PLD1: variants seen among roughly 807,000 people sequenced by gnomAD.
The protein encoded by PLD1 is choline phosphatase 1.
In PLD1, 112 loss-of-function variants were observed where a neutral mutation model predicts 137.1. The observed-to-expected ratio is 0.82, with a 90% CI of 0.70 to 0.96. The LOEUF is 0.96. PLD1 is among the 40% of genes least tolerant of loss of function. The pLI is 0.00. For missense variants in PLD1, 1,321 were observed against 1,342.0 expected, an observed-to-expected ratio of 0.98 and a Z score of 0.24; for synonymous variants, 431 against 454.7, an observed-to-expected ratio of 0.95 and a Z score of 0.66.
At chr3:171,698,968 C>T (rs1051962592) in intron 12 of PLD1, among the ~76,000 whole-genome samples, 1 of 145,872 alleles carries the variant, frequency 6.9e-6, no homozygotes, top group Non-Finnish European at 1.5e-5. Flanking sequence ...AAGAACAAAA[C>T]CCCATCTCAA....
At position 171,655,877 on chromosome 3, in the gene PLD1, A is replaced by G. The variant is rs552977724; in HGVS notation, c.2429+3336T>C. On this transcript the variant is annotated intron_variant, in intron 21 of 26. Coordinates refer to ENST00000351298, the MANE Select transcript of PLD1 (RefSeq NM_002662.5). ...TACCATTTTGAAAATGTGTCTGTCA[A>G]AAAAATGAGACTATTGAGAGATCAG... 3.9e-5 allele frequency among the ~76,000 whole-genome samples: 6 copies of G among 152,304 alleles called. No individual in the cohort carries two copies. In the South Asian group the frequency reaches 1.2e-3, roughly 32 times the overall value.
At chr3:171,703,135 A>C (rs1716384569) in intron 11 of PLD1, among the ~76,000 whole-genome samples, 1 of 152,202 alleles carries the variant, frequency 6.6e-6, no homozygotes, top group South Asian at 2.1e-4. Flanking sequence ...GAAATGATGA[A>C]ATTCAATATC....
chr3:171,782,147 G>A (rs564390927), intron 1 of PLD1, among the ~76,000 whole-genome samples: 2 of 152,278 alleles, frequency 1.3e-5, no homozygotes, highest in South Asian at 4.1e-4. Flanking sequence ...TACATACATT[G>A]TATGATTCAA....
intron 16 of PLD1, 150 bp downstream of exon 16, chr3:171,686,535 C>G: frequency 1.7e-6 from 1 of 578,030 alleles, no homozygotes; most frequent in Admixed American, 2.9e-5. Flanking sequence ...CTACAGAATG[C>G]TTTGCACAGA....
At chr3:171,620,718 T>TTCTCTCTC (rs369273677) in intron 23 of PLD1, among the ~76,000 whole-genome samples, 198 bp from the exon 24 acceptor site, 1,847 of 103,924 alleles carry the variant, frequency 0.018, 36 homozygotes, top group Non-Finnish European at 0.027. Flanking sequence ...CTGAATGGCT[T>TTCTCTCTC]TCTCTCTCTC....
intron 21 of PLD1, among the ~76,000 whole-genome samples, chr3:171,652,464 C>T (rs1374580300): frequency 6.7e-6 from 1 of 150,374 alleles, no homozygotes; most frequent in East Asian, 1.9e-4. Context: ...TAAGACAAGG[C>T]TTCTGAAACA....
chr3:171,745,706 C>T lies in PLD1; in HGVS notation c.-31-7624G>A, dbSNP rs578062418. Among the ~76,000 whole-genome samples, 14 of 152,302 alleles carry T rather than the reference C, an allele frequency of 9.2e-5. No homozygotes were observed. The East Asian group carries it at 2.1e-3, about 23-fold the overall frequency. On this transcript the variant is annotated intron_variant, in intron 1 of 26. Coordinates refer to ENST00000351298, the MANE Select transcript of PLD1 (RefSeq NM_002662.5). ...GAGTACAGGGAAGCAAGTCACACAG[C>T]GTGTGATACTGAGAGGTGACAACGT...
At chr3:171,748,937 A>T (rs1720464565) in intron 1 of PLD1, among the ~76,000 whole-genome samples, 1 of 151,356 alleles carries the variant, frequency 6.6e-6, no homozygotes, top group Non-Finnish European at 1.5e-5. Flanking sequence ...TACCTGAATC[A>T]TGTCCCCCCT....
chr3:171,739,165 G>C (rs1387806631), intron 1 of PLD1, among the ~76,000 whole-genome samples: 3 of 152,158 alleles, frequency 2.0e-5, no homozygotes, highest in African/African-American at 7.2e-5. Context: ...CAAGGTCTTA[G>C]GCTTCTTGAG....
chr3:171,661,195 A>G (rs1406889744), intron 20 of PLD1, among the ~76,000 whole-genome samples: 1 of 152,084 alleles, frequency 6.6e-6, no homozygotes, highest in South Asian at 2.1e-4. Flanking sequence ...TAAAGCTCCA[A>G]TTCTTCCCTG....
At chr3:171,637,465 C>T (rs1735232588) in intron 23 of PLD1, among the ~76,000 whole-genome samples, 1 of 152,020 alleles carries the variant, frequency 6.6e-6, no homozygotes, top group South Asian at 2.1e-4. Context: ...GATCTCTTGA[C>T]CTCGTGATCC....
chr3:171,787,705 G>A (rs1723061773), intron 1 of PLD1, among the ~76,000 whole-genome samples: 2 of 152,080 alleles, frequency 1.3e-5, no homozygotes, highest in African/African-American at 2.4e-5. Flanking sequence ...AAACAAGGAA[G>A]GTTGATACAA....
chr3:171,670,778 T>C (rs779392481), intron 19 of PLD1, among the ~76,000 whole-genome samples: 42 of 152,338 alleles, frequency 2.8e-4, no homozygotes, highest in Non-Finnish European at 5.7e-4. Context: ...TAGAAACAAG[T>C]TTAATGATCA....
rs752664933 is a variant in PLD1 at position 171,676,673 on chromosome 3, C to T, written c.2115+42G>A. On this transcript the variant is annotated intron_variant, in intron 18 of 26. Coordinates refer to ENST00000351298, the MANE Select transcript of PLD1 (RefSeq NM_002662.5). ...AAACCTCTTCTCTAGTTAGGCCTGC[C>T]TCTCTTCATGTGGATAAATCATGAT... 24 of 1,472,252 alleles carry T rather than the reference C, an allele frequency of 1.6e-5. No individual in the cohort carries two copies. In the Admixed American group the frequency reaches 2.5e-4, roughly 15 times the overall value. The allele number at this position is 1,472,252 out of a possible 1,614,324, so 91.2% of individuals were successfully genotyped here.
At chr3:171,757,918 A>G (rs1321935778) in intron 1 of PLD1, among the ~76,000 whole-genome samples, 1 of 152,194 alleles carries the variant, frequency 6.6e-6, no homozygotes, top group East Asian at 1.9e-4. Flanking sequence ...TAGCTACCCA[A>G]TATAAGAAAT....
intron 1 of PLD1, among the ~76,000 whole-genome samples, chr3:171,779,524 G>A (rs377333942): frequency 2.0e-5 from 3 of 152,344 alleles, no homozygotes; most frequent in South Asian, 4.1e-4. Flanking sequence ...GGTTAAGTTT[G>A]AGAGACCTTT....
chr3:171,659,421 A>T, intron 20 of PLD1, 120 bp from the exon 21 acceptor site: 1 of 648,144 alleles, frequency 1.5e-6, no homozygotes, highest in East Asian at 2.8e-5. Flanking sequence ...TGATCACTGA[A>T]ATCACATCAA....
chr3:171,631,174 A>C (rs1734629322), intron 23 of PLD1, among the ~76,000 whole-genome samples: 1 of 152,164 alleles, frequency 6.6e-6, no homozygotes, highest in Non-Finnish European at 1.5e-5. Context: ...CAGACATTTG[A>C]GTGTATACCC....
intron 11 of PLD1, among the ~76,000 whole-genome samples, chr3:171,701,639 A>G (rs948446759): frequency 1.3e-5 from 2 of 152,264 alleles, no homozygotes; most frequent in Non-Finnish European, 2.9e-5. Flanking sequence ...TAATGCATAA[A>G]AAGAAAAAAA....
Sources: allele counts gnomAD v4.1 joint callset (sites outside exome capture counted in the v4.1 genomes callset), GRCh38; gene constraint gnomAD v4.1.1; transcripts MANE v1.5; gene names NCBI Gene and HGNC (gene_info 2026-07-23, HGNC 2026-07-21).